The following PPP1R12A variants were observed in gnomAD, a reference collection of about 807,000 sequenced individuals.
PPP1R12A encodes the protein protein phosphatase 1 regulatory subunit 12A.
PPP1R12A carries 19 observed loss-of-function variants against 139.6 expected under a neutral mutation model. That is an observed-to-expected ratio of 0.14 (90% confidence interval 0.09 to 0.20). PPP1R12A has a LOEUF of 0.20. Among genes scored for constraint, PPP1R12A ranks in the 10% least tolerant of loss-of-function variants. The pLI is 1.00. For synonymous variants in PPP1R12A, 427 were observed against 420.6 expected (o/e 1.02, Z -0.19); for missense variants, 925 against 1,211.5 (o/e 0.76, Z 3.51).
chr12:79,895,945 T>C (rs923305745), intron 1 of PPP1R12A, among the ~76,000 whole-genome samples: 2 of 152,200 alleles, frequency 1.3e-5, no homozygotes, highest in African/African-American at 2.4e-5. Flanking sequence ...GAGCAAGGCT[T>C]CTAGGAGAAA....
At chr12:79,850,210 T>C (rs1879882253) in intron 2 of PPP1R12A, among the ~76,000 whole-genome samples, 1 of 152,184 alleles carries the variant, frequency 6.6e-6, no homozygotes, top group Non-Finnish European at 1.5e-5. Flanking sequence ...TAATTTTAGA[T>C]AGATAAATGA....
In PPP1R12A at chr12:79,934,682, G is replaced by A. The variant is rs965411734; in HGVS notation, c.237+13C>T. ...CCTCACGGTCAGGAGAGCCGGCGGC[G>A]GGGCGCACAGACCTGGTGCAGGGCA... is the stretch of plus-strand genomic sequence containing the variant. On this transcript the variant is annotated intron_variant, in intron 1 of 24. Transcript: ENST00000450142. 3.3e-5 allele frequency: 50 copies of A among 1,511,782 alleles called. No individual in the cohort carries two copies. Among genetic ancestry groups the A allele is most frequent in the Middle Eastern group, 1.9e-4 (1 of 5,174 alleles). 93.6% of individuals were successfully genotyped at this position (1,511,782 alleles called of 1,614,324 possible).
At chr12:79,777,355 T>C in intron 24 of PPP1R12A, 1 of 983,068 alleles carries the variant, frequency 1.0e-6, no homozygotes, top group Non-Finnish European at 1.2e-6. Flanking sequence ...CAATATACAA[T>C]TAGTGACAAT....
intron 1 of PPP1R12A, among the ~76,000 whole-genome samples, chr12:79,902,138 G>C (rs1885703392): frequency 1.3e-5 from 2 of 152,178 alleles, no homozygotes; most frequent in South Asian, 2.1e-4. Flanking sequence ...TCAACTTAAA[G>C]AGTGTCAACT....
intron 3 of PPP1R12A, among the ~76,000 whole-genome samples, chr12:79,843,451 G>A (rs746040696): frequency 4.0e-5 from 6 of 151,512 alleles, no homozygotes; most frequent in African/African-American, 9.7e-5. Flanking sequence ...GGTGGCAGGC[G>A]CCTGTAATCC....
At chr12:79,847,117 C>T (rs1208617585) in intron 2 of PPP1R12A, among the ~76,000 whole-genome samples, 1 of 152,126 alleles carries the variant, frequency 6.6e-6, no homozygotes, top group African/African-American at 2.4e-5. Context: ...CAGAGATAAA[C>T]ACTATCAACA....
At chr12:79,821,402 T>C (rs1876082103) in intron 6 of PPP1R12A, among the ~76,000 whole-genome samples, 1 of 152,176 alleles carries the variant, frequency 6.6e-6, no homozygotes. Context: ...CCTCCAACTT[T>C]ACTGAAAAAG....
intron 9 of PPP1R12A, among the ~76,000 whole-genome samples, chr12:79,811,117 C>G (rs1874472042): frequency 6.6e-6 from 1 of 152,180 alleles, no homozygotes; most frequent in African/African-American, 2.4e-5. Context: ...CAGCAACTAA[C>G]TAGTTGCCAC....
chr12:79,932,698 T>C (rs534235660), intron 1 of PPP1R12A, among the ~76,000 whole-genome samples: 1 of 152,188 alleles, frequency 6.6e-6, no homozygotes, highest in Non-Finnish European at 1.5e-5. Context: ...AAGACATTGG[T>C]AAGTCTGACA....
intron 2 of PPP1R12A, among the ~76,000 whole-genome samples, chr12:79,850,955 G>A (rs980341476): frequency 6.6e-6 from 1 of 152,172 alleles, no homozygotes; most frequent in Non-Finnish European, 1.5e-5. Context: ...GGAACTGTGA[G>A]TCAATTATAC....
Position 79,775,896 on chromosome 12 carries a change from G to A in PPP1R12A, c.*33C>T, listed in dbSNP as rs1373610943. 1 of 1,450,992 alleles carries A rather than the reference G, an allele frequency of 6.9e-7. No individual in the cohort carries two copies. The highest frequency in any genetic ancestry group is 2.4e-5 in the East Asian group (1 of 41,044). The allele number at this position is 1,450,992 out of a possible 1,614,324, so 89.9% of individuals were successfully genotyped here. A position where few individuals can be genotyped will look rare whatever the true frequency, so the allele number is the denominator to read the frequency against. On this transcript the variant is annotated 3_prime_UTR_variant, in exon 25 of 25. Transcript: ENST00000450142. Reference sequence around the variant, plus strand: ...TTATGGTCCACTGGGTTACTAATATGTGCAATTCCATTACTTGCTGCTTTT... The same window carrying A: ...TTATGGTCCACTGGGTTACTAATATATGCAATTCCATTACTTGCTGCTTTT...
chr12:79,837,255 G>A (rs1487451303), intron 3 of PPP1R12A, among the ~76,000 whole-genome samples: 1 of 151,998 alleles, frequency 6.6e-6, no homozygotes, highest in East Asian at 1.9e-4. Flanking sequence ...TTTAAGAGCA[G>A]TAAATATTAA....
At chr12:79,793,533 TTTTTC>T (rs1343978351) in intron 19 of PPP1R12A, among the ~76,000 whole-genome samples, 2 of 152,200 alleles carry the variant, frequency 1.3e-5, no homozygotes, top group Admixed American at 1.3e-4. Context: ...CTTTTTTTGC[TTTTTC>T]TTTTAACTCC....
chr12:79,909,308 T>C (rs546060562), intron 1 of PPP1R12A, among the ~76,000 whole-genome samples: 1 of 152,218 alleles, frequency 6.6e-6, no homozygotes, highest in Non-Finnish European at 1.5e-5. Context: ...TATATAAGTG[T>C]TTACTATTTA....
At chr12:79,863,888 T>C (rs1456843263) in intron 2 of PPP1R12A, among the ~76,000 whole-genome samples, 1 of 152,088 alleles carries the variant, frequency 6.6e-6, no homozygotes, top group Non-Finnish European at 1.5e-5. Context: ...ACAATAATAG[T>C]GGGAGACTTT....
chr12:79,905,736 T>A (rs1480613445), intron 1 of PPP1R12A, among the ~76,000 whole-genome samples: 2 of 152,340 alleles, frequency 1.3e-5, no homozygotes, highest in South Asian at 2.1e-4. Flanking sequence ...GAATCAAGCA[T>A]CTCCTGTAGA....
chr12:79,837,705 G>A (rs1162346037), intron 3 of PPP1R12A, among the ~76,000 whole-genome samples: 1 of 152,098 alleles, frequency 6.6e-6, no homozygotes, highest in Non-Finnish European at 1.5e-5. Flanking sequence ...AAGATCTTAT[G>A]GTTTAAGAGG....
At chr12:79,874,648 T>C (rs1882927315) in intron 1 of PPP1R12A, among the ~76,000 whole-genome samples, 1 of 151,980 alleles carries the variant, frequency 6.6e-6, no homozygotes, top group East Asian at 1.9e-4. Context: ...TTCTTAAGAA[T>C]ATAAAGAAGT....
intron 4 of PPP1R12A, among the ~76,000 whole-genome samples, chr12:79,830,643 C>T (rs1038873797): frequency 2.0e-5 from 3 of 152,192 alleles, no homozygotes; most frequent in African/African-American, 7.2e-5. Context: ...TGCCACTCGA[C>T]AGATGTAAAA....
Sources: allele counts gnomAD v4.1 joint callset (sites outside exome capture counted in the v4.1 genomes callset), GRCh38; gene constraint gnomAD v4.1.1; transcripts MANE v1.5; gene names NCBI Gene and HGNC (gene_info 2026-07-23, HGNC 2026-07-21).